The following OSBPL2 variants were observed in gnomAD, a reference collection of about 807,000 sequenced individuals.
OSBPL2 encodes the protein oxysterol binding protein like 2, also known as oxysterol-binding protein-related protein 2.
Under a neutral mutation model 58.4 loss-of-function variants are expected in OSBPL2, and 18 were observed. That is an observed-to-expected ratio of 0.31 (90% CI 0.21 to 0.46). The LOEUF (loss-of-function observed/expected upper bound fraction) is 0.46, where lower values mean the gene tolerates loss of function less well. OSBPL2 is among the 20% of genes least tolerant of loss of function. The probability of loss-of-function intolerance (pLI) is 1.00; values close to 1 mark genes in which losing one functional copy is unlikely to be tolerated. For missense variants in OSBPL2, 461 were observed against 616.5 expected (o/e 0.75, Z 2.67); for synonymous variants, 221 against 234.1 (o/e 0.94, Z 0.51).
Position 62,288,817 on chromosome 20 carries a change from G to A in OSBPL2, c.1126-390G>A, listed in dbSNP as rs1166858828. Among the ~76,000 whole-genome samples, 1 of 152,112 alleles carries A rather than the reference G, an allele frequency of 6.6e-6. No individual in the cohort carries two copies. The highest frequency in any genetic ancestry group is 2.4e-5 in the African/African-American group (1 of 41,404). On this transcript the variant is annotated intron_variant, in intron 11 of 13. Coordinates refer to ENST00000313733, the MANE Select transcript of OSBPL2 (RefSeq NM_144498.4). This position sits in a 1 kb window ranked among gnomAD's most constrained non-coding sequence, Gnocchi z 4.8. Reference sequence around the variant, plus strand: ...CTTTGGCAGGTGAAGGGGTAAAGAGGAGGAACCTGTGGGCAGGTGTGGCTG... The same window carrying A: ...CTTTGGCAGGTGAAGGGGTAAAGAGAAGGAACCTGTGGGCAGGTGTGGCTG...
intron 9 of OSBPL2, among the ~76,000 whole-genome samples, chr20:62,282,853 G>C (rs756856901): frequency 4.6e-5 from 7 of 152,206 alleles, no homozygotes; most frequent in Non-Finnish European, 5.9e-5. Context: ...TGGTGTTTCT[G>C]CTCTGTCCAC....
rs920980722 is a variant in OSBPL2 at position 62,269,457 on chromosome 20, C to G, written c.259-2668C>G. On this transcript the variant is annotated intron_variant, in intron 4 of 13. Transcript: ENST00000313733. The surrounding 1 kb of genome is among the most constrained non-coding windows in gnomAD (Gnocchi z 4.2). ...CCAGTCCCCTCGTGGGGCTGCATCA[C>G]TGTGCATTTCCACAGCAGCCGGGGG... is the stretch of plus-strand genomic sequence containing the variant. Among the ~76,000 whole-genome samples, 2 of 152,240 alleles carry G rather than the reference C, an allele frequency of 1.3e-5. No homozygotes were observed. Among genetic ancestry groups the G allele is most frequent in the Non-Finnish European group, 2.9e-5 (2 of 68,046 alleles).
intron 1 of OSBPL2, chr20:62,239,110 G>A (rs986737854): frequency 6.6e-6 from 1 of 152,274 alleles, no homozygotes; most frequent in African/African-American, 2.4e-5. Context: ...GGGAGACGCA[G>A]TCCCACTCCG....
intron 4 of OSBPL2, among the ~76,000 whole-genome samples, chr20:62,266,596 C>A (rs142247127): frequency 6.6e-6 from 1 of 151,216 alleles, no homozygotes; most frequent in East Asian, 1.9e-4. Flanking sequence ...GTTCTGGATC[C>A]GCAGTGATTG....
At chr20:62,281,307 C>A in intron 8 of OSBPL2, 142 bp downstream of exon 8, 1 of 626,468 alleles carries the variant, frequency 1.6e-6, no homozygotes, top group Non-Finnish European at 2.9e-6. Flanking sequence ...CCAGGCATAG[C>A]AGCTGCCTAG....
chr20:62,279,998 C>T (rs1314536697), intron 7 of OSBPL2: 6 of 1,303,996 alleles, frequency 4.6e-6, no homozygotes, highest in Non-Finnish European at 6.1e-6. Context: ...CCTAAATGCT[C>T]CCCAATCCAG....
At chr20:62,274,881 A>G (rs1445792134) in intron 6 of OSBPL2, among the ~76,000 whole-genome samples, 2 of 152,242 alleles carry the variant, frequency 1.3e-5, no homozygotes, top group Non-Finnish European at 2.9e-5. Flanking sequence ...TTTTCTGTGA[A>G]AAAGGGAGTT....
intron 1 of OSBPL2, among the ~76,000 whole-genome samples, chr20:62,249,614 G>A (rs539403154): frequency 4.6e-5 from 7 of 152,036 alleles, no homozygotes; most frequent in Admixed American, 1.3e-4. Context: ...AGCCTCTGTC[G>A]CCCAGGCTGG....
chr20:62,242,733 G>GA (rs1278339025), intron 1 of OSBPL2: 2 of 152,452 alleles, frequency 1.3e-5, no homozygotes, highest in Non-Finnish European at 2.9e-5. Context: ...TCAGGGGTGG[G>GA]AAGGGTCTGA....
intron 1 of OSBPL2, among the ~76,000 whole-genome samples, chr20:62,254,770 A>G (rs1009570625): frequency 2.0e-5 from 3 of 152,272 alleles, no homozygotes; most frequent in African/African-American, 7.2e-5. Flanking sequence ...CTTGTCGTTC[A>G]TCAAACGCTG....
intron 1 of OSBPL2, among the ~76,000 whole-genome samples, chr20:62,251,870 T>C (rs1980572365): frequency 4.2e-5 from 2 of 48,124 alleles, no homozygotes; most frequent in Middle Eastern, 8.3e-3. Context: ...TATGCCTTTT[T>C]TTTTTTTTTT....
intron 12 of OSBPL2, among the ~76,000 whole-genome samples, chr20:62,290,734 GTTTT>G (rs1356751110): frequency 1.5e-5 from 2 of 133,234 alleles, no homozygotes; most frequent in Admixed American, 7.4e-5. Flanking sequence ...TTTTTTTTTT[GTTTT>G]TTTTGTTTTT....
rs1983150241 is a variant in OSBPL2, at chr20:62,286,692, G to A, written c.1106G>A (p.Arg369Gln). 1.9e-6 allele frequency: 3 copies of A among 1,612,858 alleles called. No individual in the cohort carries two copies. Among genetic ancestry groups the A allele is most frequent in the Non-Finnish European group, 2.5e-6 (3 of 1,179,472 alleles). ...GSKLLWRINT[R>Q]PPNSAQMYNF... ...AAGCTGCTCTGGAGGATCAACACCCGGCCCCCCAACTCTGCCCAGGTCTGT... is the reference window on the plus strand; with the variant it reads ...AAGCTGCTCTGGAGGATCAACACCCAGCCCCCCAACTCTGCCCAGGTCTGT... The change falls in exon 11 of 14, where the codon CGG (arginine) becomes CAG (glutamine). Residue 369 changes from arginine to glutamine, a missense_variant. Transcript: ENST00000313733.
At chr20:62,252,654 A>G (rs1980635802) in intron 1 of OSBPL2, among the ~76,000 whole-genome samples, 1 of 152,160 alleles carries the variant, frequency 6.6e-6, no homozygotes, top group South Asian at 2.1e-4. Flanking sequence ...CTGGGTTGCT[A>G]TAAAGAAATA....
At chr20:62,264,902 C>G (rs1385869942) in intron 4 of OSBPL2, among the ~76,000 whole-genome samples, 1 of 152,166 alleles carries the variant, frequency 6.6e-6, no homozygotes, top group Non-Finnish European at 1.5e-5. Context: ...ATGTTTTCTT[C>G]TTAGAATGAG....
At chr20:62,284,633 C>A in intron 10 of OSBPL2, 1 of 162,546 alleles carries the variant, frequency 6.2e-6, no homozygotes. Flanking sequence ...CCTCGGCCTC[C>A]CAAAGTGCTG....
At chr20:62,272,094 A>C in intron 4 of OSBPL2, 31 bp from the exon 5 acceptor site, 2 of 1,612,442 alleles carry the variant, frequency 1.2e-6, no homozygotes, top group Non-Finnish European at 1.7e-6. Flanking sequence ...GGAAGGCAGC[A>C]GTAACCAGCG....
At chr20:62,240,408 A>G (rs1381004872) in intron 1 of OSBPL2, among the ~76,000 whole-genome samples, 2 of 152,212 alleles carry the variant, frequency 1.3e-5, no homozygotes, top group Admixed American at 1.3e-4. Context: ...ATAATATTTA[A>G]TAATGATTGT....
At chr20:62,291,239 A>AACTTCTCATGCTTTG in intron 12 of OSBPL2, 4 of 242,620 alleles carry the variant, frequency 1.6e-5, no homozygotes, top group Non-Finnish European at 2.5e-5. Flanking sequence ...CATGCTTTGT[A>AACTTCTCATGCTTTG]TTCAGAATGT....
Sources: gnomAD v4.1 joint callset for allele counts (sites outside exome capture counted in the v4.1 genomes callset) on GRCh38, gnomAD v4.1.1 for gene constraint, Gnocchi (gnomAD v3.1) non-coding constraint, MANE v1.5 for transcripts, NCBI Gene and HGNC (gene_info 2026-07-23, HGNC 2026-07-21) for gene names.